ANAPC10: variants seen among roughly 807,000 people sequenced by gnomAD.
ANAPC10 encodes the protein anaphase promoting complex subunit 10.
Under a neutral mutation model 22.0 loss-of-function variants are expected in ANAPC10, and 12 were observed. That is an observed-to-expected ratio of 0.55 (90% CI 0.35 to 0.88). ANAPC10 has a LOEUF of 0.88. Ranked by LOEUF, ANAPC10 falls within the 40% of genes least tolerant of loss-of-function variation. ANAPC10 has a pLI of 0.01. For synonymous variants in ANAPC10, 65 were observed against 69.5 expected (o/e 0.94, Z 0.32); for missense variants, 188 against 220.9 (o/e 0.85, Z 0.94).
intron 2 of ANAPC10, among the ~76,000 whole-genome samples, chr4:145,094,395 G>A (rs187471490): frequency 6.6e-6 from 1 of 152,224 alleles, no homozygotes; most frequent in African/African-American, 2.4e-5. Context: ...TTATATATTC[G>A]ATTATAATGC....
At chr4:145,078,362 A>G (rs774989970) in intron 3 of ANAPC10, among the ~76,000 whole-genome samples, 6 of 152,184 alleles carry the variant, frequency 3.9e-5, no homozygotes, top group Non-Finnish European at 7.4e-5. Context: ...ACTGCTGAAG[A>G]AAATCAGACA....
intron 4 of ANAPC10, among the ~76,000 whole-genome samples, chr4:145,016,292 G>A (rs1462400208): frequency 6.6e-6 from 1 of 152,172 alleles, no homozygotes; most frequent in Non-Finnish European, 1.5e-5. Context: ...CAAAATCAAT[G>A]TGCAAAAATC....
intron 4 of ANAPC10, among the ~76,000 whole-genome samples, chr4:145,047,085 C>T (rs1169153020): frequency 6.6e-6 from 1 of 152,062 alleles, no homozygotes; most frequent in Non-Finnish European, 1.5e-5. Flanking sequence ...CCAAACAAGA[C>T]AGGCATTGTA....
At chr4:145,065,205 ATTCTTTCT>A (rs34718277) in intron 3 of ANAPC10, among the ~76,000 whole-genome samples, 5 of 151,888 alleles carry the variant, frequency 3.3e-5, no homozygotes, top group African/African-American at 9.7e-5. Context: ...TCTGCTGCTG[ATTCTTTCT>A]TTCTTTCTTT....
intron 4 of ANAPC10, among the ~76,000 whole-genome samples, chr4:145,034,241 G>A (rs1434225204): frequency 2.0e-5 from 3 of 152,048 alleles, no homozygotes; most frequent in African/African-American, 7.2e-5. Flanking sequence ...ATTAACATCT[G>A]AGTCACTGGG....
intron 4 of ANAPC10, chr4:145,035,171 C>T (rs1738319852): frequency 6.6e-6 from 1 of 152,254 alleles, no homozygotes; most frequent in South Asian, 2.1e-4. Context: ...TGTCACCCCA[C>T]TAATCACCAG....
chr4:145,035,866 T>C (rs907320314), intron 4 of ANAPC10, among the ~76,000 whole-genome samples: 2 of 152,190 alleles, frequency 1.3e-5, no homozygotes, highest in African/African-American at 4.8e-5. Flanking sequence ...TATACACCCC[T>C]GGTCTTCCTC....
At chr4:145,091,568 T>A (rs1747689074) in intron 2 of ANAPC10, among the ~76,000 whole-genome samples, 1 of 152,206 alleles carries the variant, frequency 6.6e-6, no homozygotes, top group Non-Finnish European at 1.5e-5. Context: ...CCATAGTGTA[T>A]ATGTACATTT....
intron 4 of ANAPC10, among the ~76,000 whole-genome samples, chr4:145,031,208 T>C (rs1377773300): frequency 6.6e-6 from 1 of 152,204 alleles, no homozygotes; most frequent in Non-Finnish European, 1.5e-5. Context: ...CTTGATCACT[T>C]TTCCCTTCCA....
rs1208263027 is a variant in ANAPC10, at chr4:145,089,972, A to C, written c.115+6013T>G. ...CAGTAAAGTATGAATTGTTTAATAA[A>C]GTCTTCTATAATCAGGCTTCTACCT... On this transcript the variant is annotated intron_variant, in intron 2 of 4. Coordinates refer to ENST00000507656, the MANE Select transcript of ANAPC10 (RefSeq NM_001256706.2). Among the ~76,000 whole-genome samples, 9 of 152,286 alleles carry C rather than the reference A, an allele frequency of 5.9e-5. No homozygotes were observed. The East Asian group carries it at 1.5e-3, about 26-fold the overall frequency.
chr4:145,024,095 C>T (rs1423542063), intron 4 of ANAPC10, among the ~76,000 whole-genome samples: 1 of 152,174 alleles, frequency 6.6e-6, no homozygotes, highest in Non-Finnish European at 1.5e-5. Flanking sequence ...CAATAAGATG[C>T]AACTCCTCAT....
At chr4:145,017,071 C>T (rs1275124435) in intron 4 of ANAPC10, among the ~76,000 whole-genome samples, 1 of 152,196 alleles carries the variant, frequency 6.6e-6, no homozygotes, top group Non-Finnish European at 1.5e-5. Context: ...GCAAGGACTT[C>T]ATGTCTAAAA....
intron 4 of ANAPC10, among the ~76,000 whole-genome samples, chr4:145,042,303 T>A (rs999212917): frequency 2.0e-5 from 3 of 152,150 alleles, no homozygotes; most frequent in African/African-American, 7.2e-5. Flanking sequence ...GTAGGGTCAG[T>A]TGAAAAATTT....
chr4:145,095,669 T>C (rs1748396786), intron 2 of ANAPC10, among the ~76,000 whole-genome samples: 3 of 151,024 alleles, frequency 2.0e-5, no homozygotes, highest in Admixed American at 2.0e-4. Flanking sequence ...AAGGGTACAA[T>C]ATAATATTTT....
At chr4:145,089,376 T>C (rs910824967) in intron 2 of ANAPC10, among the ~76,000 whole-genome samples, 14 of 152,154 alleles carry the variant, frequency 9.2e-5, no homozygotes, top group African/African-American at 3.4e-4. Flanking sequence ...CCATACTGAA[T>C]CCCTTCTTTG....
intron 4 of ANAPC10, among the ~76,000 whole-genome samples, chr4:145,032,108 C>T (rs1737674640): frequency 6.6e-6 from 1 of 152,186 alleles, no homozygotes; most frequent in Admixed American, 6.5e-5. Context: ...TGGGAGTTTC[C>T]TATGATCAAC....
chr4:145,088,067 G>A (rs1411717555), intron 2 of ANAPC10, among the ~76,000 whole-genome samples: 4 of 151,958 alleles, frequency 2.6e-5, no homozygotes, highest in African/African-American at 9.7e-5. Context: ...AAATAAAAGA[G>A]AAATGAAGAA....
intron 4 of ANAPC10, among the ~76,000 whole-genome samples, chr4:145,018,914 T>A (rs113984720): frequency 6.6e-6 from 1 of 152,094 alleles, no homozygotes; most frequent in South Asian, 2.1e-4. Context: ...CCTAAACATA[T>A]ATGCACATAA....
At chr4:145,027,687 A>G (rs6818401) in intron 4 of ANAPC10, among the ~76,000 whole-genome samples, 2,555 of 152,356 alleles carry the variant, frequency 0.017, 84 homozygotes, top group African/African-American at 0.057. Context: ...CATTTACGCC[A>G]AAACTATGAG....
Sources: allele counts gnomAD v4.1 joint callset (sites outside exome capture counted in the v4.1 genomes callset), GRCh38; gene constraint gnomAD v4.1.1; transcripts MANE v1.5; gene names NCBI Gene and HGNC (gene_info 2026-07-23, HGNC 2026-07-21).